OPCML: variants seen among roughly 807,000 people sequenced by gnomAD.
The protein encoded by OPCML is opioid binding protein/cell adhesion molecule like.
A neutral mutation model predicts 37.8 loss-of-function variants in OPCML; 13 were observed. The observed-to-expected ratio is 0.34, with a 90% CI of 0.22 to 0.55. The LOEUF (loss-of-function observed/expected upper bound fraction) is 0.55. Among genes scored for constraint, OPCML ranks in the 20% least tolerant of loss-of-function variants. OPCML has a pLI of 0.91. For missense variants in OPCML, 341 were observed against 435.6 expected (o/e 0.78, Z 1.93); for synonymous variants, 176 against 168.8 (o/e 1.04, Z -0.33).
intron 2 of OPCML, among the ~76,000 whole-genome samples, chr11:132,853,118 T>C (rs536038645): frequency 2.3e-4 from 35 of 152,302 alleles, no homozygotes; most frequent in African/African-American, 8.4e-4. Flanking sequence ...TCAGAATTGG[T>C]ATCTTGCAGA....
chr11:133,148,664 T>C lies in OPCML; in HGVS notation c.62-205654A>G, dbSNP rs1949932368. Among the ~76,000 whole-genome samples the C allele has an allele frequency of 2.0e-5, 3 of 152,078 alleles. No individual in the cohort carries two copies. In the South Asian group the frequency reaches 6.2e-4, roughly 32 times the overall value. On this transcript the variant is annotated intron_variant, in intron 1 of 7. Transcript: ENST00000524381. The stretch of plus-strand genomic sequence containing the variant: ...GAAACATCCATGCGCACTTCAGCGC[T>C]CGCTCCATCCCACCGCCCTCCAGGG...
chr11:133,494,101 CA>C (rs1371708948), intron 1 of OPCML, among the ~76,000 whole-genome samples: 6 of 151,276 alleles, frequency 4.0e-5, no homozygotes, highest in Non-Finnish European at 7.4e-5. Context: ...TTTATGCAGC[CA>C]AAAAAACACA....
At chr11:133,207,304 A>G (rs996729142) in intron 1 of OPCML, among the ~76,000 whole-genome samples, 1 of 152,074 alleles carries the variant, frequency 6.6e-6, no homozygotes, top group South Asian at 2.1e-4. Context: ...CATCTCAAAA[A>G]CAAAAAACAA....
At chr11:132,466,564 A>G (rs1232838643) in intron 4 of OPCML, among the ~76,000 whole-genome samples, 2 of 152,222 alleles carry the variant, frequency 1.3e-5, no homozygotes, top group South Asian at 2.1e-4. Flanking sequence ...AAACGCATGG[A>G]AAGAACCAGT....
At chr11:132,651,754 C>T (rs960064346) in intron 3 of OPCML, among the ~76,000 whole-genome samples, 2 of 152,130 alleles carry the variant, frequency 1.3e-5, no homozygotes, top group African/African-American at 4.8e-5. Flanking sequence ...TGAACTGACA[C>T]CAGGCTAAGA....
intron 1 of OPCML, chr11:133,420,178 AAC>A: frequency 9.7e-6 from 8 of 821,862 alleles, no homozygotes; most frequent in Non-Finnish European, 1.2e-5. Flanking sequence ...TACACAGACA[AAC>A]ACACACACAA....
chr11:132,752,944 A>T (rs1398188750), intron 2 of OPCML, among the ~76,000 whole-genome samples: 1 of 152,132 alleles, frequency 6.6e-6, no homozygotes, highest in Admixed American at 6.5e-5. Flanking sequence ...CACTAATCTT[A>T]TCCTTCCTGG....
intron 2 of OPCML, among the ~76,000 whole-genome samples, chr11:132,799,797 C>T (rs1169605903): frequency 6.6e-6 from 1 of 152,020 alleles, no homozygotes; most frequent in Non-Finnish European, 1.5e-5. Context: ...TATGTCTGTT[C>T]TTATGCCAGT....
At chr11:133,353,499 G>T (rs1441503041) in intron 1 of OPCML, among the ~76,000 whole-genome samples, 1 of 152,088 alleles carries the variant, frequency 6.6e-6, no homozygotes, top group Non-Finnish European at 1.5e-5. Context: ...TAGGGATGAG[G>T]GGGAGCATCT....
intron 1 of OPCML, among the ~76,000 whole-genome samples, chr11:133,444,992 C>T (rs1441204060): frequency 7.2e-6 from 1 of 138,792 alleles, no homozygotes; most frequent in Non-Finnish European, 1.5e-5. Context: ...ACCAAGAGAC[C>T]ACAGACCATA....
intron 2 of OPCML, among the ~76,000 whole-genome samples, chr11:132,791,448 C>A (rs186754091): frequency 6.6e-6 from 1 of 152,060 alleles, no homozygotes; most frequent in Non-Finnish European, 1.5e-5. Flanking sequence ...ACTATCAGAC[C>A]CCTCCTAACT....
chr11:132,681,205 A>G (rs577115034), intron 2 of OPCML, among the ~76,000 whole-genome samples: 1 of 152,324 alleles, frequency 6.6e-6, no homozygotes, highest in South Asian at 2.1e-4. Flanking sequence ...GTCCCTGGCA[A>G]GGGCCCCACC....
At chr11:133,282,062 G>A (rs1942172912) in intron 1 of OPCML, among the ~76,000 whole-genome samples, 1 of 152,158 alleles carries the variant, frequency 6.6e-6, no homozygotes, top group Non-Finnish European at 1.5e-5. Flanking sequence ...ATTTAAAAGG[G>A]AAGCAGAGAG....
intron 4 of OPCML, among the ~76,000 whole-genome samples, chr11:132,478,200 C>G (rs187913248): frequency 1.2e-4 from 18 of 152,120 alleles, no homozygotes; most frequent in Non-Finnish European, 2.5e-4. Flanking sequence ...AATCAAATAC[C>G]AATTGTTCTA....
intron 1 of OPCML, among the ~76,000 whole-genome samples, chr11:133,190,803 TGTATTA>T (rs1217074117): frequency 1.3e-5 from 2 of 152,222 alleles, no homozygotes; most frequent in Non-Finnish European, 1.5e-5. Context: ...TGTTGTAACA[TGTATTA>T]GTGTTTTATT....
intron 2 of OPCML, among the ~76,000 whole-genome samples, chr11:132,777,488 G>A (rs2136140167): frequency 6.6e-6 from 1 of 152,326 alleles, no homozygotes; most frequent in East Asian, 1.9e-4. Flanking sequence ...TCTGGGGCAG[G>A]TGCCAGCCAC....
chr11:132,502,878 A>T (rs148359790), intron 4 of OPCML, among the ~76,000 whole-genome samples: 1 of 152,292 alleles, frequency 6.6e-6, no homozygotes, highest in East Asian at 1.9e-4. Flanking sequence ...CGATGATAAC[A>T]CACATACTTT....
At chr11:132,633,996 A>G (rs1191455319) in intron 3 of OPCML, among the ~76,000 whole-genome samples, 2 of 152,208 alleles carry the variant, frequency 1.3e-5, no homozygotes, top group Admixed American at 1.3e-4. Flanking sequence ...GGACCATCAC[A>G]GTCAAAAGAT....
At chr11:132,604,336 C>T (rs190506704) in intron 3 of OPCML, among the ~76,000 whole-genome samples, 1 of 152,040 alleles carries the variant, frequency 6.6e-6, no homozygotes. Context: ...CCTCTAATTT[C>T]CCTTACATCT....
Sources: allele counts gnomAD v4.1 joint callset (sites outside exome capture counted in the v4.1 genomes callset), GRCh38; gene constraint gnomAD v4.1.1; transcripts MANE v1.5; gene names NCBI Gene and HGNC (gene_info 2026-07-23, HGNC 2026-07-21).